Variants in PTPRT observed in about 807,000 individuals in gnomAD.
PTPRT encodes receptor-type tyrosine-protein phosphatase T.
Under a neutral mutation model 176.8 loss-of-function variants are expected in PTPRT, and 56 were observed. The ratio of observed to expected loss-of-function variants is 0.32; its 90% CI spans 0.26 to 0.40. The LOEUF is 0.40. Among genes scored for constraint, PTPRT ranks in the 10% least tolerant of loss-of-function variants. PTPRT has a pLI of 1.00. For missense variants in PTPRT, 1,540 were observed against 1,908.2 expected (o/e 0.81, Z 3.60); for synonymous variants, 783 against 739.0 (o/e 1.06, Z -0.96).
At chr20:42,580,759 C>T (rs2073356521) in intron 7 of PTPRT, among the ~76,000 whole-genome samples, 1 of 152,124 alleles carries the variant, frequency 6.6e-6, no homozygotes, top group African/African-American at 2.4e-5. Flanking sequence ...GATTTTGTAT[C>T]CTGAGACTTT....
At chr20:42,771,603 C>T in intron 4 of PTPRT, 53 bp from the exon 5 acceptor site, 1 of 1,449,570 alleles carries the variant, frequency 6.9e-7, no homozygotes. Context: ...GCCTGCACCA[C>T]TTCCCTATTG....
At chr20:42,338,881 A>G (rs977941825) in intron 11 of PTPRT, among the ~76,000 whole-genome samples, 1 of 152,064 alleles carries the variant, frequency 6.6e-6, no homozygotes, top group Non-Finnish European at 1.5e-5. Flanking sequence ...AAAAACCTTC[A>G]TTTTTTCTCT....
chr20:42,851,436 T>C (rs1170560675), intron 2 of PTPRT, among the ~76,000 whole-genome samples: 1 of 152,200 alleles, frequency 6.6e-6, no homozygotes, highest in African/African-American at 2.4e-5. Flanking sequence ...TTTCTCCCTT[T>C]CCAATCCAAT....
rs576307845 is a variant in PTPRT at position 42,537,087 on chromosome 20, G to GA, written c.1154-64526dup. ...TTTCTCTAAGAAGTAGAGACAAGTG[G>GA]AAAAAAAAAACCCTAAGTTTTAGAA... On this transcript the variant is annotated intron_variant, in intron 7 of 30. Transcript: ENST00000373187. 7.0e-3 allele frequency among the ~76,000 whole-genome samples: 1,027 copies of GA among 146,406 alleles called. 23 individuals carry two copies. The South Asian group carries it at 0.097, about 14-fold the overall frequency.
chr20:42,299,078 TTCACAAAA>T (rs1324157568), intron 12 of PTPRT, among the ~76,000 whole-genome samples: 1 of 151,510 alleles, frequency 6.6e-6, no homozygotes, highest in East Asian at 1.9e-4. Flanking sequence ...CTTCAAAATT[TTCACAAAA>T]AAAAACCGCC....
At chr20:43,157,903 T>G (rs936043515) in intron 1 of PTPRT, among the ~76,000 whole-genome samples, 4 of 152,110 alleles carry the variant, frequency 2.6e-5, no homozygotes, top group African/African-American at 9.7e-5. Context: ...CCTTCCAAGT[T>G]TTCCAACAAA....
At chr20:43,063,052 T>A (rs1987537358) in intron 1 of PTPRT, among the ~76,000 whole-genome samples, 1 of 152,166 alleles carries the variant, frequency 6.6e-6, no homozygotes, top group Non-Finnish European at 1.5e-5. Context: ...ACTGTTCAGC[T>A]CTATTTAGGC....
intron 6 of PTPRT, among the ~76,000 whole-genome samples, chr20:42,696,266 C>T (rs1341754032): frequency 1.3e-5 from 2 of 150,686 alleles, no homozygotes; most frequent in African/African-American, 4.9e-5. Flanking sequence ...TGTCCCCCTT[C>T]CTCCTCCCTC....
chr20:43,061,686 C>T (rs1349161606), intron 1 of PTPRT, among the ~76,000 whole-genome samples: 1 of 152,194 alleles, frequency 6.6e-6, no homozygotes, highest in Non-Finnish European at 1.5e-5. Context: ...ACTCCTTTAG[C>T]CTCCACAATA....
chr20:43,174,111 A>G (rs768384140), intron 1 of PTPRT, among the ~76,000 whole-genome samples: 7 of 152,256 alleles, frequency 4.6e-5, no homozygotes, highest in Non-Finnish European at 8.8e-5. Context: ...AATTTCAAAC[A>G]GGACCTAATT....
At chr20:42,081,424 C>T (rs938243196) in intron 30 of PTPRT, among the ~76,000 whole-genome samples, 1 of 152,140 alleles carries the variant, frequency 6.6e-6, no homozygotes, top group Non-Finnish European at 1.5e-5. Context: ...CGGTGGTCCA[C>T]CATGGTACCA....
At chr20:43,108,823 G>C (rs1038548471) in intron 1 of PTPRT, among the ~76,000 whole-genome samples, 2 of 151,934 alleles carry the variant, frequency 1.3e-5, no homozygotes, top group African/African-American at 4.8e-5. Context: ...CCACGCAATG[G>C]GACAATCAAA....
At chr20:42,917,658 C>G (rs1174977851) in intron 1 of PTPRT, among the ~76,000 whole-genome samples, 2 of 152,140 alleles carry the variant, frequency 1.3e-5, no homozygotes, top group Non-Finnish European at 2.9e-5. Flanking sequence ...TGCCCCCTAT[C>G]TTCCCATCAA....
chr20:42,320,437 G>A (rs1185384166), intron 11 of PTPRT, among the ~76,000 whole-genome samples: 1 of 152,170 alleles, frequency 6.6e-6, no homozygotes, highest in Non-Finnish European at 1.5e-5. Flanking sequence ...TAGCTAGGAG[G>A]TGTATCCTTT....
chr20:42,723,964 T>A (rs1176929352), intron 6 of PTPRT, among the ~76,000 whole-genome samples: 3 of 152,234 alleles, frequency 2.0e-5, no homozygotes, highest in African/African-American at 7.2e-5. Flanking sequence ...CTGTTTGATC[T>A]TAGTGAGTTC....
chr20:43,167,986 C>G (rs1227820696), intron 1 of PTPRT, among the ~76,000 whole-genome samples: 1 of 152,196 alleles, frequency 6.6e-6, no homozygotes, highest in Non-Finnish European at 1.5e-5. Flanking sequence ...AACTGTGAGA[C>G]AATAAATGTG....
chr20:42,363,874 C>T (rs906735676), intron 9 of PTPRT, among the ~76,000 whole-genome samples: 3 of 152,130 alleles, frequency 2.0e-5, no homozygotes, highest in African/African-American at 7.2e-5. Flanking sequence ...AACCTTGGAG[C>T]TCTTTTGTCA....
chr20:42,721,512 C>A lies in PTPRT; in HGVS notation c.859+34950G>T, dbSNP rs146238269. 2.0e-5 allele frequency among the ~76,000 whole-genome samples: 3 copies of A among 152,312 alleles called. No homozygotes were observed. The East Asian group carries it at 5.8e-4, about 29-fold the overall frequency. The stretch of plus-strand genomic sequence containing the variant: ...AAGGGCTGGGGAGGGAGCAGTCGGG[C>A]TGGCCCTCAGGCTTCTGGTTGGACA... On this transcript the variant is annotated intron_variant, in intron 6 of 30. Coordinates refer to ENST00000373187, the MANE Select transcript of PTPRT (RefSeq NM_007050.6).
chr20:43,126,701 G>A (rs1198650570), intron 1 of PTPRT, among the ~76,000 whole-genome samples: 2 of 152,158 alleles, frequency 1.3e-5, no homozygotes, highest in African/African-American at 4.8e-5. Context: ...ATAAAATTTT[G>A]TTCTCTTGAG....
Sources: allele counts gnomAD v4.1 joint callset (sites outside exome capture counted in the v4.1 genomes callset), GRCh38; gene constraint gnomAD v4.1.1; transcripts MANE v1.5; gene names NCBI Gene and HGNC (gene_info 2026-07-23, HGNC 2026-07-21).